ARID3C: variants seen among roughly 807,000 people sequenced by gnomAD.
The protein encoded by ARID3C is AT-rich interaction domain 3C.
ARID3C carries 42 observed loss-of-function variants against 37.9 expected under a neutral mutation model. The observed-to-expected ratio is 1.11, with a 90% confidence interval of 0.87 to 1.43. The LOEUF (loss-of-function observed/expected upper bound fraction) is 1.43, where lower values mean the gene tolerates loss of function less well. Among genes scored for constraint, ARID3C ranks in the 40% most tolerant of loss-of-function variants. ARID3C has a pLI of 0.00. For missense variants in ARID3C, 581 were observed against 548.8 expected, an observed-to-expected ratio of 1.06 and a Z score of -0.59; for synonymous variants, 213 against 228.0, an observed-to-expected ratio of 0.93 and a Z score of 0.59.
At chr9:34,621,601 G>C in intron 6 of ARID3C, 43 bp from the exon 8 acceptor site, 1 of 1,403,080 alleles carries the variant, frequency 7.1e-7, no homozygotes, top group Admixed American at 2.3e-5. Flanking sequence ...AAAACAAGCA[G>C]GAGGGGGTAG....
chr9:34,628,894 G>C (rs112705561), upstream of ARID3C, among the ~76,000 whole-genome samples: 1 of 151,950 alleles, frequency 6.6e-6, no homozygotes, highest in African/African-American at 2.4e-5. This position sits in a 1 kb window ranked among gnomAD's most constrained non-coding sequence, Gnocchi z 5.2. Context: ...CCCTCGCTCC[G>C]GGCGCCCCGC....
Position 34,625,065 on chromosome 9 carries a change from T to TG in ARID3C, c.391+676dup, listed in dbSNP as rs376202216. Among the ~76,000 whole-genome samples, 97 of 81,770 alleles carry TG rather than the reference T, an allele frequency of 1.2e-3. 1 individual carries two copies. The highest frequency in any genetic ancestry group is 3.7e-3 in the African/African-American group (79 of 21,108). The allele number at this position is 81,770 out of a possible 152,430, so 53.6% of individuals were successfully genotyped here. A position where few individuals can be genotyped will look rare whatever the true frequency, so the allele number is the denominator to read the frequency against. ...GGGCCAGCAGCTGCACTAAAGGCGG[T>TG]GGGGGGGCGGGGGGTAACAGGGCAG... On this transcript the variant is annotated intron_variant, in intron 2 of 6. Coordinates refer to ENST00000378909, the Ensembl canonical transcript of ARID3C.
downstream of ARID3C, among the ~76,000 whole-genome samples, chr9:34,621,172 C>A (rs1199682699): frequency 6.6e-6 from 1 of 152,178 alleles, no homozygotes; most frequent in African/African-American, 2.4e-5. Context: ...GGGTAGGGTC[C>A]TAGAGATGAC....
chr9:34,632,759 G>A (rs1053380777), upstream of ARID3C, among the ~76,000 whole-genome samples: 5 of 152,174 alleles, frequency 3.3e-5, no homozygotes, highest in Non-Finnish European at 7.3e-5. Flanking sequence ...TTAATTCACA[G>A]TAAAGACTAC....
At position 34,625,830 on chromosome 9, in the gene ARID3C, G is replaced by T; in HGVS notation, c.319-16C>A. On this transcript the variant is annotated splice_polypyrimidine_tract_variant and intron_variant, in intron 1 of 6. Coordinates refer to ENST00000378909, the Ensembl canonical transcript of ARID3C. ...GCTCATACAGCTGGGGAAGGATTGGGGTCATTCTACAGCTCTGCTGACTCC... is the reference window on the plus strand; with the variant it reads ...GCTCATACAGCTGGGGAAGGATTGGTGTCATTCTACAGCTCTGCTGACTCC... The T allele has an allele frequency of 1.9e-6, 3 of 1,613,622 alleles. No homozygotes were observed. Among genetic ancestry groups the T allele is most frequent in the Non-Finnish European group, 2.5e-6 (3 of 1,179,676 alleles).
At chr9:34,623,837 C>T in intron 3 of ARID3C, 27 bp downstream of exon 4, 5 of 1,481,704 alleles carry the variant, frequency 3.4e-6, no homozygotes, top group Non-Finnish European at 4.5e-6. Context: ...GTGCCCCCTT[C>T]CCTTCCGCTC....
At chr9:34,623,674 C>A (rs532640422) in exon 4 of ARID3C, 2 of 1,579,954 alleles carry the variant, frequency 1.3e-6, no homozygotes, top group Non-Finnish European at 1.7e-6. Context: ...GAGCTGAGCG[C>A]TCGAGTCTCG....
At chr9:34,623,968 C>T in exon 3 of ARID3C, 1 of 1,605,452 alleles carries the variant, frequency 6.2e-7, no homozygotes, top group South Asian at 1.1e-5. Context: ...CCAGGCCGCC[C>T]TTGGCGGTCA....
chr9:34,621,589 C>T, intron 6 of ARID3C, 31 bp from the exon 8 acceptor site: 1 of 1,495,588 alleles, frequency 6.7e-7, no homozygotes, highest in Non-Finnish European at 9.0e-7. Flanking sequence ...TGGTAGAGGG[C>T]AAAAACAAGC....
upstream of ARID3C, among the ~76,000 whole-genome samples, chr9:34,630,815 T>A (rs13291277): frequency 0.23 from 34,828 of 152,116 alleles, 5,398 homozygotes; most frequent in Middle Eastern, 0.35. Context: ...GCTGCCCCAG[T>A]GTCCTCCACC....
At chr9:34,623,764 G>C in intron 3 of ARID3C, 50 bp from the exon 5 acceptor site, 2 of 1,502,586 alleles carry the variant, frequency 1.3e-6, no homozygotes, top group South Asian at 2.5e-5. Flanking sequence ...CACCCAGCTG[G>C]TCAAGTCCCA....
At chr9:34,628,933 G>T (rs1341249256), upstream of ARID3C, among the ~76,000 whole-genome samples, 2 of 152,028 alleles carry the variant, frequency 1.3e-5, no homozygotes, top group Admixed American at 6.6e-5. This position sits in a 1 kb window ranked among gnomAD's most constrained non-coding sequence, Gnocchi z 5.2. Context: ...GGCGTGGCCC[G>T]CTGCCCCTGG....
chr9:34,625,819 G>A lies in ARID3C; in HGVS notation c.319-5C>T. 1.2e-6 allele frequency: 2 copies of A among 1,613,894 alleles called. No homozygotes were observed. The highest frequency in any genetic ancestry group is 1.7e-6 in the Non-Finnish European group (2 of 1,179,840). ...GTCTGCATCGAGCTCATACAGCTGG[G>A]GAAGGATTGGGGTCATTCTACAGCT... On this transcript the variant is annotated splice_polypyrimidine_tract_variant and splice_region_variant and intron_variant, in intron 1 of 6. Coordinates refer to ENST00000378909, the Ensembl canonical transcript of ARID3C.
chr9:34,629,147 C>G (rs1486240891), upstream of ARID3C, among the ~76,000 whole-genome samples: 1 of 152,152 alleles, frequency 6.6e-6, no homozygotes, highest in Non-Finnish European at 1.5e-5. Context: ...TGGGATCTGC[C>G]GCTCTCAGCT....
chr9:34,621,635 C>A (rs1820563642), intron 6 of ARID3C, 77 bp from the exon 8 acceptor site: 2 of 1,070,480 alleles, frequency 1.9e-6, no homozygotes, highest in South Asian at 1.5e-5. Flanking sequence ...AAGAGGGGAA[C>A]AAAAGTAAGT....
intron 2 of ARID3C, among the ~76,000 whole-genome samples, 172 bp from the exon 4 acceptor site, chr9:34,624,219 C>CGGG (rs1554706633): frequency 1.2e-3 from 174 of 150,054 alleles, no homozygotes; most frequent in African/African-American, 3.7e-3. Flanking sequence ...GAGGCTAGAA[C>CGGG]GGGGGGGGGC....
At chr9:34,630,451 G>A (rs1421946339), upstream of ARID3C, among the ~76,000 whole-genome samples, 3 of 152,170 alleles carry the variant, frequency 2.0e-5, no homozygotes, top group South Asian at 4.1e-4. Flanking sequence ...TGAACAGCAG[G>A]TGTCTGTAGG....
chr9:34,625,858 C>A (rs765125390), intron 1 of ARID3C, 44 bp from the exon 3 acceptor site: 48 of 1,606,498 alleles, frequency 3.0e-5, no homozygotes, highest in Admixed American at 1.3e-4. Context: ...CTGACTCCCC[C>A]TCCCTCCCTT....
At chr9:34,623,465 C>A (rs1425006137) in exon 4 of ARID3C, 4 of 1,536,372 alleles carry the variant, frequency 2.6e-6, no homozygotes, top group Non-Finnish European at 3.5e-6. Flanking sequence ...CGCATGCATG[C>A]GCTGGCAGGC....
Sources: gnomAD v4.1 joint callset for allele counts (sites outside exome capture counted in the v4.1 genomes callset) on GRCh38, gnomAD v4.1.1 for gene constraint, Gnocchi (gnomAD v3.1) non-coding constraint, MANE v1.5 for transcripts, NCBI Gene and HGNC (gene_info 2026-07-23, HGNC 2026-07-21) for gene names.